Variants in CACNA2D1 observed in about 807,000 individuals in gnomAD.
CACNA2D1 encodes the protein voltage-dependent calcium channel subunit alpha-2/delta-1.
A neutral mutation model predicts 171.5 loss-of-function variants in CACNA2D1; 53 were observed. The observed-to-expected ratio is 0.31, with a 90% CI of 0.25 to 0.39. The LOEUF is 0.39. Among genes scored for constraint, CACNA2D1 ranks in the 10% least tolerant of loss-of-function variants. The pLI is 1.00. For synonymous variants in CACNA2D1, 442 were observed against 443.1 expected, an observed-to-expected ratio of 1.00 and a Z score of 0.03; for missense variants, 903 against 1,299.8, an observed-to-expected ratio of 0.69 and a Z score of 4.69.
At chr7:82,162,681 C>T (rs1035829887) in intron 4 of CACNA2D1, among the ~76,000 whole-genome samples, 1 of 151,960 alleles carries the variant, frequency 6.6e-6, no homozygotes. Context: ...CATCTTCTTT[C>T]TACTTAGAGA....
intron 3 of CACNA2D1, among the ~76,000 whole-genome samples, chr7:82,279,552 C>G (rs1028280309): frequency 1.3e-5 from 2 of 152,172 alleles, no homozygotes; most frequent in Non-Finnish European, 2.9e-5. Flanking sequence ...GTGACAAAGA[C>G]CTCTTCCCCA....
intron 21 of CACNA2D1, among the ~76,000 whole-genome samples, chr7:81,985,596 T>C (rs1796886192): frequency 2.0e-5 from 3 of 152,200 alleles, no homozygotes; most frequent in Non-Finnish European, 4.4e-5. Context: ...AGTCTACTCA[T>C]AGGCAAATTC....
chr7:82,265,404 A>C (rs2129339581), intron 3 of CACNA2D1, among the ~76,000 whole-genome samples: 1 of 123,296 alleles, frequency 8.1e-6, no homozygotes, highest in East Asian at 2.2e-4. Context: ...GCATATTAAC[A>C]ATTTTTCCTT....
At chr7:82,303,253 T>G (rs971989408) in intron 3 of CACNA2D1, among the ~76,000 whole-genome samples, 3 of 152,080 alleles carry the variant, frequency 2.0e-5, no homozygotes, top group African/African-American at 7.2e-5. Flanking sequence ...CACCTTGGCC[T>G]CTACTAAAAA....
At chr7:82,115,284 T>C (rs924929281) in intron 6 of CACNA2D1, among the ~76,000 whole-genome samples, 1 of 152,152 alleles carries the variant, frequency 6.6e-6, no homozygotes, top group Non-Finnish European at 1.5e-5. Context: ...AAATATATTA[T>C]TCAAAAATTG....
At chr7:82,268,353 C>A (rs116340008) in intron 3 of CACNA2D1, among the ~76,000 whole-genome samples, 2,803 of 152,144 alleles carry the variant, frequency 0.018, 98 homozygotes, top group African/African-American at 0.065. Flanking sequence ...CATAATATAT[C>A]ACAGATATGA....
chr7:82,200,198 C>G (rs775582992), intron 3 of CACNA2D1, among the ~76,000 whole-genome samples: 35 of 152,068 alleles, frequency 2.3e-4, no homozygotes, highest in Admixed American at 1.7e-3. Flanking sequence ...GTTTAATACT[C>G]TTAGCGACTC....
intron 34 of CACNA2D1, 111 bp downstream of exon 34, chr7:81,963,945 A>T: frequency 1.2e-6 from 1 of 834,452 alleles, no homozygotes; most frequent in Non-Finnish European, 2.0e-6. Context: ...AAAACAACTT[A>T]ACTCCCTTAA....
At chr7:82,134,546 T>C (rs986018205) in intron 5 of CACNA2D1, among the ~76,000 whole-genome samples, 26 of 152,196 alleles carry the variant, frequency 1.7e-4, no homozygotes, top group Non-Finnish European at 2.5e-4. Context: ...CTGACCATCA[T>C]AGTTTTAAGT....
At position 82,099,728 on chromosome 7, in the gene CACNA2D1, C is replaced by A. The variant is rs1343308763; in HGVS notation, c.527-14828G>T. Among the ~76,000 whole-genome samples the A allele has an allele frequency of 3.5e-5, 2 of 57,624 alleles. 1 individual carries two copies. Among genetic ancestry groups the A allele is most frequent in the Non-Finnish European group, 8.7e-5 (2 of 23,068 alleles). 37.8% of individuals were successfully genotyped at this position (57,624 alleles called of 152,430 possible). On this transcript the variant is annotated intron_variant, in intron 6 of 38. Coordinates refer to ENST00000356860, the MANE Select transcript of CACNA2D1 (RefSeq NM_000722.4). ...CCTCCCAAAGTGCTGGGATTACAGG[C>A]GTGAGCCACCGCGCCCGGCCGCAAT...
At chr7:82,092,504 TTGGGAC>T (rs1811297147) in intron 6 of CACNA2D1, among the ~76,000 whole-genome samples, 1 of 150,574 alleles carries the variant, frequency 6.6e-6, no homozygotes, top group Non-Finnish European at 1.5e-5. Context: ...TCCCGAGTAA[TTGGGAC>T]TACGGGCACC....
intron 3 of CACNA2D1, among the ~76,000 whole-genome samples, chr7:82,196,499 T>C (rs1321280240): frequency 6.6e-6 from 1 of 151,980 alleles, no homozygotes; most frequent in African/African-American, 2.4e-5. Flanking sequence ...CCATTAGGAA[T>C]GGTGCTGTGG....
chr7:82,385,544 G>A (rs1255874367), intron 1 of CACNA2D1, among the ~76,000 whole-genome samples: 6 of 152,116 alleles, frequency 3.9e-5, no homozygotes, highest in Non-Finnish European at 8.8e-5. Flanking sequence ...CTAACATATT[G>A]TCTGTTTTCC....
intron 12 of CACNA2D1, chr7:82,029,073 A>G (rs1802315608): frequency 6.6e-6 from 1 of 151,750 alleles, no homozygotes; most frequent in Non-Finnish European, 1.5e-5. Context: ...GAGTCAGTCA[A>G]TGCAGCCAGC....
intron 5 of CACNA2D1, among the ~76,000 whole-genome samples, chr7:82,131,631 A>G: frequency 6.6e-6 from 1 of 152,200 alleles, no homozygotes; most frequent in East Asian, 1.9e-4. Context: ...TAGTATGCCA[A>G]TTAGCCCCAC....
At chr7:82,441,862 G>A (rs993335241) in intron 1 of CACNA2D1, among the ~76,000 whole-genome samples, 6 of 152,146 alleles carry the variant, frequency 3.9e-5, no homozygotes, top group Non-Finnish European at 8.8e-5. Flanking sequence ...GCAACAAACA[G>A]ACTTAAAAAA....
At chr7:82,316,930 A>G (rs1815196110) in intron 3 of CACNA2D1, among the ~76,000 whole-genome samples, 1 of 152,184 alleles carries the variant, frequency 6.6e-6, no homozygotes, top group Admixed American at 6.5e-5. Flanking sequence ...CATGGAGATT[A>G]TAACAATTCA....
intron 6 of CACNA2D1, among the ~76,000 whole-genome samples, chr7:82,091,331 C>A (rs1811133668): frequency 6.6e-6 from 1 of 152,112 alleles, no homozygotes; most frequent in African/African-American, 2.4e-5. Context: ...AGGAGATAAG[C>A]CTTATTCCTA....
Position 82,235,005 on chromosome 7 carries a change from C to A in CACNA2D1, c.295-64396G>T, listed in dbSNP as rs554693372. Among the ~76,000 whole-genome samples the A allele has an allele frequency of 1.6e-3, 241 of 152,228 alleles. 1 individual carries two copies. Among genetic ancestry groups the A allele is most frequent in the Non-Finnish European group, 2.9e-3 (197 of 67,990 alleles). ...TTTATCACTTGGGAAATAATAAATG[C>A]ACCTCCAGTCTGTGCTAACCTGATG... On this transcript the variant is annotated intron_variant, in intron 3 of 38. Coordinates refer to ENST00000356860, the MANE Select transcript of CACNA2D1 (RefSeq NM_000722.4).
Sources: allele counts gnomAD v4.1 joint callset (sites outside exome capture counted in the v4.1 genomes callset), GRCh38; gene constraint gnomAD v4.1.1; transcripts MANE v1.5; gene names NCBI Gene and HGNC (gene_info 2026-07-23, HGNC 2026-07-21).